Variants in OLFM2 observed in about 807,000 individuals in gnomAD.
OLFM2 encodes the protein noelin-2.
Under a neutral mutation model 43.9 loss-of-function variants are expected in OLFM2, and 20 were observed. The observed-to-expected ratio is 0.46, with a 90% confidence interval of 0.32 to 0.66. The LOEUF (loss-of-function observed/expected upper bound fraction) is 0.66. OLFM2 is among the 30% of genes least tolerant of loss of function. The pLI is 0.04. For missense variants in OLFM2, 416 were observed against 643.6 expected, an observed-to-expected ratio of 0.65 and a Z score of 3.83; for synonymous variants, 268 against 278.6, an observed-to-expected ratio of 0.96 and a Z score of 0.38.
intron 1 of OLFM2, among the ~76,000 whole-genome samples, chr19:9,883,186 G>A (rs2046555536): frequency 7.0e-6 from 1 of 142,646 alleles, no homozygotes; most frequent in Non-Finnish European, 1.5e-5. Context: ...TCCAGCCTGG[G>A]TGACAAGAGC....
At chr19:9,901,323 G>A (rs1414038080) in intron 1 of OLFM2, among the ~76,000 whole-genome samples, 2 of 152,128 alleles carry the variant, frequency 1.3e-5, no homozygotes, top group Non-Finnish European at 2.9e-5. Flanking sequence ...CTACTTGGGA[G>A]GCTGAGGAAT....
At chr19:9,874,724 A>T (rs1406270354) in intron 1 of OLFM2, among the ~76,000 whole-genome samples, 1 of 151,266 alleles carries the variant, frequency 6.6e-6, no homozygotes, top group Non-Finnish European at 1.5e-5. Flanking sequence ...CAAGTGATCC[A>T]CCCACCCTGG....
chr19:9,907,757 A>G (rs942726749), intron 1 of OLFM2, among the ~76,000 whole-genome samples: 3 of 151,242 alleles, frequency 2.0e-5, no homozygotes, highest in African/African-American at 7.3e-5. Flanking sequence ...TAATCCCAAC[A>G]CTTTGGGAGG....
intron 1 of OLFM2, among the ~76,000 whole-genome samples, chr19:9,872,769 T>C (rs1978453): frequency 0.25 from 38,241 of 151,898 alleles, 4,935 homozygotes; most frequent in African/African-American, 0.29. Flanking sequence ...CATTCATTCA[T>C]CTGCTCATCC....
chr19:9,873,192 G>C (rs1006544921), intron 1 of OLFM2, among the ~76,000 whole-genome samples: 2 of 152,190 alleles, frequency 1.3e-5, no homozygotes, highest in African/African-American at 4.8e-5. Flanking sequence ...GCGCAGGCTG[G>C]AGTGCAGTGG....
rs1301999489 is a variant in OLFM2, at chr19:9,883,003, AG to A, written c.64-22210del. Among the ~76,000 whole-genome samples, 4 of 151,452 alleles carry A rather than the reference AG, an allele frequency of 2.6e-5. No homozygotes were observed. The East Asian group carries it at 7.8e-4, about 29-fold the overall frequency. Reference sequence around the variant, plus strand: ...TACATGAGGTTAGGAGGTCGAGACCAGCCTGGCCAGCATGGTGAAACCCCAT... The same window carrying A: ...TACATGAGGTTAGGAGGTCGAGACCACCTGGCCAGCATGGTGAAACCCCAT... On this transcript the variant is annotated intron_variant, in intron 1 of 5. Coordinates refer to ENST00000264833, the MANE Select transcript of OLFM2 (RefSeq NM_058164.4).
At chr19:9,925,690 C>T (rs1384415715) in intron 1 of OLFM2, among the ~76,000 whole-genome samples, 1 of 151,926 alleles carries the variant, frequency 6.6e-6, no homozygotes, top group East Asian at 2.0e-4. Flanking sequence ...CCACCTCAGC[C>T]TCCCAATTGC....
chr19:9,895,640 T>C (rs143721031), intron 1 of OLFM2, among the ~76,000 whole-genome samples: 2 of 152,276 alleles, frequency 1.3e-5, no homozygotes, highest in African/African-American at 4.8e-5. Flanking sequence ...ATTTTTATTA[T>C]TTATTTATAT....
intron 1 of OLFM2, among the ~76,000 whole-genome samples, chr19:9,931,967 C>G (rs528261533): frequency 1.8e-4 from 28 of 152,230 alleles, no homozygotes; most frequent in Non-Finnish European, 2.8e-4. Context: ...GAAAGACACT[C>G]TGTGTGTGTG....
chr19:9,882,153 C>T (rs1478837600), intron 1 of OLFM2, among the ~76,000 whole-genome samples: 1 of 149,058 alleles, frequency 6.7e-6, no homozygotes, highest in African/African-American at 2.5e-5. Flanking sequence ...GAGGGAGGAT[C>T]ACCTCAGCCC....
At chr19:9,859,735 G>C (rs1410665116) in intron 2 of OLFM2, among the ~76,000 whole-genome samples, 2 of 152,144 alleles carry the variant, frequency 1.3e-5, no homozygotes, top group African/African-American at 4.8e-5. Flanking sequence ...AAGCTGGGTG[G>C]GACATGCCTG....
intron 1 of OLFM2, among the ~76,000 whole-genome samples, chr19:9,899,564 C>G (rs972496831): frequency 6.6e-6 from 1 of 151,366 alleles, no homozygotes; most frequent in African/African-American, 2.4e-5. Flanking sequence ...CTTCTCTTTT[C>G]TTTTTTGAGA....
chr19:9,861,754 T>C (rs2046366783), intron 1 of OLFM2, among the ~76,000 whole-genome samples: 1 of 152,190 alleles, frequency 6.6e-6, no homozygotes. Flanking sequence ...ACACAAATCA[T>C]AAACTTCCAA....
intron 2 of OLFM2, 143 bp downstream of exon 2, chr19:9,860,502 T>G: frequency 1.3e-6 from 1 of 765,962 alleles, no homozygotes; most frequent in Non-Finnish European, 2.0e-6. Context: ...AGGACCTGCC[T>G]GGAGAGGAGC....
chr19:9,904,182 G>GTGTA lies in OLFM2; in HGVS notation c.63+32121_63+32122insTACA, dbSNP rs1555727612. On this transcript the variant is annotated intron_variant, in intron 1 of 5. Coordinates refer to ENST00000264833, the MANE Select transcript of OLFM2 (RefSeq NM_058164.4). ...TGTGTGTGTGTGTGTGTGTGTGTGTGTGTGTGTGTGTGTGTGTGTGTGTTT... is the reference window on the plus strand; with the variant it reads ...TGTGTGTGTGTGTGTGTGTGTGTGTGTGTATGTGTGTGTGTGTGTGTGTGTGTTT... 2.4e-3 allele frequency among the ~76,000 whole-genome samples: 361 copies of GTGTA among 151,038 alleles called. 1 individual carries two copies. The highest frequency in any genetic ancestry group is 8.4e-3 in the African/African-American group (345 of 41,064).
intron 1 of OLFM2, among the ~76,000 whole-genome samples, chr19:9,916,686 G>T (rs2046878341): frequency 6.6e-6 from 1 of 152,160 alleles, no homozygotes; most frequent in Non-Finnish European, 1.5e-5. Context: ...GTGGGAAACT[G>T]CCTTAGTTCA....
chr19:9,922,332 C>A (rs2086426715), intron 1 of OLFM2, among the ~76,000 whole-genome samples: 1 of 152,006 alleles, frequency 6.6e-6, no homozygotes. Context: ...GACATCTGAA[C>A]AGAGAAGTGG....
intron 2 of OLFM2, among the ~76,000 whole-genome samples, chr19:9,860,161 A>G (rs2046356257): frequency 6.6e-6 from 1 of 151,552 alleles, no homozygotes. Context: ...GAAAAAAAAA[A>G]AAAATACATT....
intron 1 of OLFM2, among the ~76,000 whole-genome samples, chr19:9,866,497 C>CT (rs35368530): frequency 0.33 from 41,622 of 125,524 alleles, 9,139 homozygotes; most frequent in African/African-American, 0.61. Context: ...AGCCAACCCA[C>CT]TTTTTTTTTT....
Sources: allele counts gnomAD v4.1 joint callset (sites outside exome capture counted in the v4.1 genomes callset), GRCh38; gene constraint gnomAD v4.1.1; transcripts MANE v1.5; gene names NCBI Gene and HGNC (gene_info 2026-07-23, HGNC 2026-07-21).